Variants in NF1 observed in about 807,000 individuals in gnomAD.
NF1 encodes neurofibromin.
NF1 carries 122 observed loss-of-function variants against 325.7 expected under a neutral mutation model. The ratio of observed to expected loss-of-function variants is 0.37; its 90% CI spans 0.32 to 0.44. The LOEUF (loss-of-function observed/expected upper bound fraction) is 0.44. Among genes scored for constraint, NF1 ranks in the 20% least tolerant of loss-of-function variants. NF1 has a pLI of 1.00. For missense variants in NF1, 2,140 were observed against 3,415.4 expected (o/e 0.63, Z 9.31); for synonymous variants, 1,091 against 1,186.0 (o/e 0.92, Z 1.65).
intron 29 of NF1, among the ~76,000 whole-genome samples, chr17:31,242,847 A>G (rs2067323827): frequency 6.6e-6 from 1 of 152,124 alleles, no homozygotes; most frequent in Non-Finnish European, 1.5e-5. Context: ...CTTGATGCTT[A>G]TGGATGTTCA....
chr17:31,208,540 T>C (rs2066664334), intron 12 of NF1, among the ~76,000 whole-genome samples: 2 of 151,826 alleles, frequency 1.3e-5, no homozygotes, highest in African/African-American at 4.8e-5. Flanking sequence ...TACACAGCAC[T>C]TCCCCTCACC....
At chr17:31,187,595 C>T (rs1352712323) in intron 8 of NF1, among the ~76,000 whole-genome samples, 2 of 152,182 alleles carry the variant, frequency 1.3e-5, no homozygotes, top group Non-Finnish European at 2.9e-5. Context: ...AACTAGAAGA[C>T]AGTACTTTGC....
At chr17:31,164,043 T>C (rs1250094245) in intron 4 of NF1, among the ~76,000 whole-genome samples, 1 of 152,240 alleles carries the variant, frequency 6.6e-6, no homozygotes, top group Non-Finnish European at 1.5e-5. Context: ...TGTCTCATCC[T>C]CACAGTAACC....
chr17:31,214,928 C>T (rs1269712081), intron 13 of NF1, among the ~76,000 whole-genome samples: 2 of 152,076 alleles, frequency 1.3e-5, no homozygotes, highest in Non-Finnish European at 2.9e-5. Context: ...AAGTGACCAT[C>T]GATCACAGTG....
rs773474652 is a variant in NF1, at chr17:31,349,121, G to T, written c.7191G>T (p.Gly2397=). The T allele has an allele frequency of 6.3e-7, 1 of 1,586,030 alleles. No individual in the cohort carries two copies. Among genetic ancestry groups the T allele is most frequent in the Non-Finnish European group, 8.6e-7 (1 of 1,165,036 alleles). ...NFALVGHLLK[G]YRHPSPAIVA... is the part of the protein sequence containing the mutation. Reference sequence around the variant, plus strand: ...TGTTTGTTTGTTTGTTTTTTGTAGGGTACAGGCATCCTTCACCTGCTATTG... The same window carrying T: ...TGTTTGTTTGTTTGTTTTTTGTAGGTTACAGGCATCCTTCACCTGCTATTG... The change falls in exon 49 of 58, where the codon GGG becomes GGT. Residue 2397 remains glycine, a splice_region_variant and synonymous_variant. Transcript: ENST00000358273.
At chr17:31,203,350 G>A (rs2066564247) in intron 11 of NF1, among the ~76,000 whole-genome samples, 1 of 152,150 alleles carries the variant, frequency 6.6e-6, no homozygotes, top group Admixed American at 6.5e-5. Flanking sequence ...TAAACATTAA[G>A]TATCAGTAAC....
Position 31,338,146 on chromosome 17 carries a change from G to C in NF1, c.6819+7G>C, listed in dbSNP as rs200532525. On this transcript the variant is annotated splice_region_variant and intron_variant, in intron 45 of 57. Transcript: ENST00000358273. ...AATCCGTATTCTTAGCAAGGTACCT[G>C]TTCCGCCCTCACTTCTCCCAAATAT... is the stretch of plus-strand genomic sequence containing the variant. 4.4e-6 allele frequency: 7 copies of C among 1,581,306 alleles called. No individual in the cohort carries two copies. Among genetic ancestry groups the C allele is most frequent in the Admixed American group, 3.3e-5 (2 of 59,950 alleles).
chr17:31,192,198 T>C (rs978159975), intron 8 of NF1, among the ~76,000 whole-genome samples: 1 of 152,204 alleles, frequency 6.6e-6, no homozygotes, highest in Non-Finnish European at 1.5e-5. Context: ...TCAAACTCTA[T>C]AAAATATTTT....
chr17:31,255,155 A>G (rs1046779588), intron 31 of NF1, among the ~76,000 whole-genome samples: 3 of 152,214 alleles, frequency 2.0e-5, no homozygotes, highest in Non-Finnish European at 2.9e-5. Context: ...GGGAGAATGC[A>G]GTAACTAAGC....
intron 30 of NF1, chr17:31,251,044 CAG>C (rs1555617664): frequency 1.5e-5 from 3 of 195,154 alleles, no homozygotes; most frequent in Admixed American, 1.2e-4. Context: ...TAACTGGTAA[CAG>C]GGAATGTTAC....
chr17:31,340,400 G>C (rs756307721), intron 46 of NF1, 105 bp from the exon 47 acceptor site: 2 of 1,413,922 alleles, frequency 1.4e-6, no homozygotes, highest in Non-Finnish European at 2.0e-6. Context: ...GAGAAAACAT[G>C]GGTAATTTAG....
At chr17:31,240,031 T>G (rs562252940) in intron 29 of NF1, among the ~76,000 whole-genome samples, 26 of 152,348 alleles carry the variant, frequency 1.7e-4, no homozygotes, top group Non-Finnish European at 3.1e-4. Flanking sequence ...CCCAAAGTGC[T>G]GTGATTACAG....
At chr17:31,203,204 C>T (rs1326365134) in intron 11 of NF1, among the ~76,000 whole-genome samples, 2 of 152,112 alleles carry the variant, frequency 1.3e-5, no homozygotes, top group Non-Finnish European at 2.9e-5. Flanking sequence ...CCTCAGTGTA[C>T]TTGGTGAAAG....
chr17:31,160,113 T>C (rs550539697), intron 3 of NF1, among the ~76,000 whole-genome samples: 1 of 152,092 alleles, frequency 6.6e-6, no homozygotes, highest in East Asian at 1.9e-4. Flanking sequence ...TGAGACAGAG[T>C]CTCACTCTGC....
intron 36 of NF1, among the ~76,000 whole-genome samples, chr17:31,281,217 A>C (rs1370082928): frequency 6.6e-6 from 1 of 152,166 alleles, no homozygotes; most frequent in Non-Finnish European, 1.5e-5. Flanking sequence ...TGATGATTCT[A>C]CTGTTGTTGA....
intron 40 of NF1, among the ~76,000 whole-genome samples, chr17:31,335,345 T>TG (rs2069638275): frequency 2.5e-5 from 2 of 79,140 alleles, no homozygotes; most frequent in African/African-American, 1.7e-4. Context: ...TATATATATA[T>TG]TATATAGAAC....
intron 4 of NF1, among the ~76,000 whole-genome samples, chr17:31,164,107 C>T (rs1390857666): frequency 1.3e-5 from 2 of 152,150 alleles, no homozygotes; most frequent in Non-Finnish European, 2.9e-5. Context: ...CAAAAAAGTT[C>T]AGGTGATGTG....
At chr17:31,131,707 G>A (rs141314498) in intron 1 of NF1, among the ~76,000 whole-genome samples, 1 of 152,246 alleles carries the variant, frequency 6.6e-6, no homozygotes, top group East Asian at 1.9e-4. Context: ...GTGTAAACTT[G>A]CTGATATTTT....
chr17:31,205,444 CTT>C (rs1312608622), intron 11 of NF1, among the ~76,000 whole-genome samples: 73 of 152,084 alleles, frequency 4.8e-4, no homozygotes, highest in African/African-American at 1.6e-3. Flanking sequence ...AAATGATAGA[CTT>C]TAAAGATATA....
Sources: allele counts gnomAD v4.1 joint callset (sites outside exome capture counted in the v4.1 genomes callset), GRCh38; gene constraint gnomAD v4.1.1; transcripts MANE v1.5; gene names NCBI Gene and HGNC (gene_info 2026-07-23, HGNC 2026-07-21).